The following XPO6 variants were observed in gnomAD, a reference collection of about 807,000 sequenced individuals.
XPO6 encodes the protein exportin-6.
Under a neutral mutation model 130.0 loss-of-function variants are expected in XPO6, and 3 were observed. That is an observed-to-expected ratio of 0.02 (90% CI 0.01 to 0.06). XPO6 has a LOEUF of 0.06. Among genes scored for constraint, XPO6 ranks in the 10% least tolerant of loss-of-function variants. The probability of loss-of-function intolerance (pLI) is 1.00; values close to 1 mark genes in which losing one functional copy is unlikely to be tolerated. For synonymous variants in XPO6, 524 were observed against 548.9 expected (o/e 0.95, Z 0.63); for missense variants, 970 against 1,393.0 (o/e 0.70, Z 4.83).
chr16:28,139,270 C>T (rs569205420), intron 9 of XPO6, among the ~76,000 whole-genome samples: 44 of 152,278 alleles, frequency 2.9e-4, no homozygotes, highest in Middle Eastern at 3.4e-3. Flanking sequence ...AGAGAGAAGG[C>T]GCCATCTGCA....
At chr16:28,163,339 C>T (rs1014868995) in intron 6 of XPO6, among the ~76,000 whole-genome samples, 2 of 152,242 alleles carry the variant, frequency 1.3e-5, no homozygotes, top group Non-Finnish European at 2.9e-5. Context: ...CTCTCTGATA[C>T]ATCCTCATCC....
At chr16:28,125,935 AGCAAAACCAG>A in intron 12 of XPO6, 87 bp from the exon 13 acceptor site, 5 of 1,499,538 alleles carry the variant, frequency 3.3e-6, no homozygotes, top group Non-Finnish European at 4.5e-6. Flanking sequence ...AGCCACACAC[AGCAAAACCAG>A]CAGCAAAACC....
intron 1 of XPO6, among the ~76,000 whole-genome samples, chr16:28,196,712 T>C (rs1263370403): frequency 2.0e-5 from 3 of 151,868 alleles, no homozygotes; most frequent in Admixed American, 2.0e-4. Context: ...TGGCAAGGAG[T>C]TCGGGGGGTG....
intron 9 of XPO6, among the ~76,000 whole-genome samples, chr16:28,144,957 C>A (rs1395119699): frequency 6.6e-6 from 1 of 152,166 alleles, no homozygotes; most frequent in Non-Finnish European, 1.5e-5. Flanking sequence ...CCCCCTCATG[C>A]ACTGGTTTTA....
chr16:28,132,513 C>A lies in XPO6; in HGVS notation c.1537-110G>T. 1 of 716,556 alleles carries A rather than the reference C, an allele frequency of 1.4e-6. No individual in the cohort carries two copies. The highest frequency in any genetic ancestry group is 2.0e-5 in the South Asian group (1 of 50,950). 44.4% of individuals were successfully genotyped at this position (716,556 alleles called of 1,614,324 possible). A position where few individuals can be genotyped will look rare whatever the true frequency, so the allele number is the denominator to read the frequency against. The stretch of plus-strand genomic sequence containing the variant: ...GTAACTATGGTGTGAGGAACAGGAT[C>A]AAAACCTTTTCTCTGGGAACCTTTA... On this transcript the variant is annotated intron_variant, in intron 11 of 23. Coordinates refer to ENST00000304658, the MANE Select transcript of XPO6 (RefSeq NM_015171.4). The surrounding 1 kb of genome is among the most constrained non-coding windows in gnomAD (Gnocchi z 4.0).
chr16:28,123,463 C>T (rs1364360330), intron 13 of XPO6, among the ~76,000 whole-genome samples: 3 of 152,202 alleles, frequency 2.0e-5, no homozygotes, highest in Admixed American at 6.5e-5. Context: ...GCTAGTTTCT[C>T]TCTGCCTACT....
chr16:28,145,904 T>G (rs2042974360), intron 9 of XPO6, among the ~76,000 whole-genome samples, 190 bp downstream of exon 9: 1 of 152,232 alleles, frequency 6.6e-6, no homozygotes, highest in South Asian at 2.1e-4. Context: ...ACATATTACT[T>G]TTAAAATTTT....
At chr16:28,147,260 G>A (rs2043000947) in intron 8 of XPO6, among the ~76,000 whole-genome samples, 1 of 152,154 alleles carries the variant, frequency 6.6e-6, no homozygotes, top group Non-Finnish European at 1.5e-5. Flanking sequence ...GCTGAAGTCT[G>A]AGACAGAATA....
chr16:28,167,007 AT>A, intron 5 of XPO6: 2 of 596,322 alleles, frequency 3.4e-6, no homozygotes, highest in Non-Finnish European at 4.2e-6. Flanking sequence ...TATTACTTCC[AT>A]CCTCTGCCCA....
Position 28,117,482 on chromosome 16 carries a change from T to C in XPO6, c.1860-20A>G. ...GCATGCCTGCAGAAAGAAAAGAAGA[T>C]GTGATTTTAAAGGTTAAGGTGAAAA... is the stretch of plus-strand genomic sequence containing the variant. On this transcript the variant is annotated intron_variant, in intron 14 of 23. Transcript: ENST00000304658. 4 of 1,608,824 alleles carry C rather than the reference T, an allele frequency of 2.5e-6. No individual in the cohort carries two copies. Among genetic ancestry groups the C allele is most frequent in the Non-Finnish European group, 3.4e-6 (4 of 1,175,534 alleles).
In XPO6 at chr16:28,098,499, GGCA is replaced by G. The variant is rs764519581; in HGVS notation, c.*36_*38del. 11 of 1,554,654 alleles carry G rather than the reference GGCA, an allele frequency of 7.1e-6. No individual in the cohort carries two copies. Among genetic ancestry groups the G allele is most frequent in the African/African-American group, 1.4e-5 (1 of 73,730 alleles). The stretch of plus-strand genomic sequence containing the variant: ...GGTGGAAGGTAGGGCTGGCGCAGGT[GGCA>G]GCAGCAGAAGTCCGTGTCCCCAGGC... On this transcript the variant is annotated 3_prime_UTR_variant, in exon 24 of 24. Coordinates refer to ENST00000304658, the MANE Select transcript of XPO6 (RefSeq NM_015171.4).
intron 6 of XPO6, among the ~76,000 whole-genome samples, chr16:28,157,591 A>G (rs1388744270): frequency 2.6e-5 from 4 of 152,226 alleles, no homozygotes; most frequent in Non-Finnish European, 5.9e-5. Flanking sequence ...ACTAAAATCT[A>G]TTTTTAAAAT....
At chr16:28,116,233 G>A (rs550940379) in intron 15 of XPO6, among the ~76,000 whole-genome samples, 55 of 152,222 alleles carry the variant, frequency 3.6e-4, no homozygotes, top group African/African-American at 1.2e-3. Context: ...AGGCCAAGGC[G>A]GGCAGATCAT....
intron 10 of XPO6, 29 bp downstream of exon 10, chr16:28,135,187 C>CAA (rs3214474): frequency 6.3e-7 from 1 of 1,591,956 alleles, no homozygotes; most frequent in Admixed American, 1.7e-5. Flanking sequence ...ATGACAGCGA[C>CAA]AAAAAATCAA....
In XPO6 at chr16:28,106,305, C is replaced by A. The variant is rs1254277708; in HGVS notation, c.2612+78G>T. On this transcript the variant is annotated intron_variant, in intron 19 of 23. Coordinates refer to ENST00000304658, the MANE Select transcript of XPO6 (RefSeq NM_015171.4). The surrounding 1 kb of genome is among the most constrained non-coding windows in gnomAD (Gnocchi z 4.2). ...TGCTGTGGCAAGTGCAGAACAGGAG[C>A]AAAAAGCCACACTTTGTCGCCAGAC... is the stretch of plus-strand genomic sequence containing the variant. 1 of 1,605,902 alleles carries A rather than the reference C, an allele frequency of 6.2e-7. No individual in the cohort carries two copies. Among genetic ancestry groups the A allele is most frequent in the Non-Finnish European group, 8.5e-7 (1 of 1,173,958 alleles).
At chr16:28,125,925 AGC>A in intron 12 of XPO6, 77 bp from the exon 13 acceptor site, 1 of 1,527,896 alleles carries the variant, frequency 6.5e-7, no homozygotes, top group East Asian at 2.3e-5. Flanking sequence ...TGGTCCAGCA[AGC>A]CACACACAGC....
At chr16:28,125,415 C>T (rs145609530) in intron 13 of XPO6, among the ~76,000 whole-genome samples, 28 of 152,180 alleles carry the variant, frequency 1.8e-4, no homozygotes, top group Admixed American at 1.8e-3. Flanking sequence ...ACTTATCAGG[C>T]GTTTTGTTAT....
Position 28,102,770 on chromosome 16 carries a change from T to G in XPO6, c.2947-825A>C, listed in dbSNP as rs186671171. Among the ~76,000 whole-genome samples the G allele has an allele frequency of 5.4e-3, 818 of 151,974 alleles. 2 individuals are homozygous for G. Among genetic ancestry groups the G allele is most frequent in the Non-Finnish European group, 7.6e-3 (517 of 67,946 alleles). ...AAAGAAAAAAGAAAAAAATTACTAG[T>G]TCAGGGGCAAAAAGAAACACCCCGC... On this transcript the variant is annotated intron_variant, in intron 21 of 23. Transcript: ENST00000304658.
At position 28,129,386 on chromosome 16, in the gene XPO6, C is replaced by A. The variant is rs543631814; in HGVS notation, c.1606+2948G>T. On this transcript the variant is annotated intron_variant, in intron 12 of 23. Coordinates refer to ENST00000304658, the MANE Select transcript of XPO6 (RefSeq NM_015171.4). Reference sequence around the variant, plus strand: ...AGCTGTTCAGATCCACCCACACTTTCTTCTGTCTGGTCAAGGCTTAGATTT... The same window carrying A: ...AGCTGTTCAGATCCACCCACACTTTATTCTGTCTGGTCAAGGCTTAGATTT... Among the ~76,000 whole-genome samples the A allele has an allele frequency of 1.1e-3, 162 of 152,320 alleles. 1 individual carries two copies. The highest frequency in any genetic ancestry group is 3.6e-3 in the African/African-American group (148 of 41,568).
Sources: allele counts gnomAD v4.1 joint callset (sites outside exome capture counted in the v4.1 genomes callset), GRCh38; gene constraint gnomAD v4.1.1; non-coding constraint Gnocchi (gnomAD v3.1); transcripts MANE v1.5; gene names NCBI Gene and HGNC (gene_info 2026-07-23, HGNC 2026-07-21).